Variants in CSMD1 observed in about 807,000 individuals in gnomAD.
CSMD1 encodes CUB and Sushi multiple domains 1.
In CSMD1, 213 loss-of-function variants were observed where a neutral mutation model predicts 417.5. The ratio of observed to expected loss-of-function variants is 0.51; its 90% CI spans 0.46 to 0.57. The LOEUF (loss-of-function observed/expected upper bound fraction) is 0.57. CSMD1 is among the 20% of genes least tolerant of loss of function. The pLI is 0.00. For missense variants in CSMD1, 6,923 were observed against 4,529.7 expected, an observed-to-expected ratio of 1.53 and a Z score of -15.17; for synonymous variants, 2,862 against 1,736.8, an observed-to-expected ratio of 1.65 and a Z score of -16.11.
intron 3 of CSMD1, among the ~76,000 whole-genome samples, chr8:4,060,238 C>T (rs540655793): frequency 0.015 from 601 of 40,848 alleles, 3 homozygotes; most frequent in Middle Eastern, 0.036. Context: ...TGACAAAATT[C>T]AACAACCCTT....
At chr8:4,481,775 G>C (rs1192031999) in intron 2 of CSMD1, among the ~76,000 whole-genome samples, 1 of 152,166 alleles carries the variant, frequency 6.6e-6, no homozygotes, top group Non-Finnish European at 1.5e-5. Context: ...GTATATGCCA[G>C]AGACTATTGT....
chr8:4,457,466 T>C (rs978153849), intron 2 of CSMD1, among the ~76,000 whole-genome samples: 1 of 152,076 alleles, frequency 6.6e-6, no homozygotes, highest in Non-Finnish European at 1.5e-5. Context: ...GTCTTGCTTA[T>C]TGGAAAAGAT....
At chr8:3,377,929 A>G (rs1409998723) in intron 18 of CSMD1, among the ~76,000 whole-genome samples, 2 of 152,182 alleles carry the variant, frequency 1.3e-5, no homozygotes, top group Non-Finnish European at 2.9e-5. Flanking sequence ...ATCTAACTTT[A>G]TGGAGCTGAA....
intron 26 of CSMD1, among the ~76,000 whole-genome samples, chr8:3,256,387 G>C (rs886851524): frequency 2.0e-5 from 3 of 151,924 alleles, no homozygotes; most frequent in African/African-American, 7.3e-5. Context: ...AATGGCAGTA[G>C]GCAGACACTG....
At chr8:3,677,467 G>A (rs556098355) in intron 7 of CSMD1, among the ~76,000 whole-genome samples, 5 of 152,316 alleles carry the variant, frequency 3.3e-5, no homozygotes, top group South Asian at 2.1e-4. Context: ...CTGGGTGAAT[G>A]CACAGATCTG....
At chr8:3,297,491 A>C (rs1804053456) in intron 25 of CSMD1, among the ~76,000 whole-genome samples, 1 of 152,180 alleles carries the variant, frequency 6.6e-6, no homozygotes, top group Non-Finnish European at 1.5e-5. Flanking sequence ...GAAATGGAAT[A>C]CAGTTTGGAA....
chr8:3,353,477 A>G (rs545612216), intron 21 of CSMD1, among the ~76,000 whole-genome samples: 2 of 152,302 alleles, frequency 1.3e-5, no homozygotes, highest in East Asian at 3.9e-4. Context: ...CTAGTACACA[A>G]AAACAGATAC....
At chr8:4,195,326 A>G (rs1036604437) in intron 3 of CSMD1, among the ~76,000 whole-genome samples, 7 of 152,200 alleles carry the variant, frequency 4.6e-5, no homozygotes, top group African/African-American at 1.4e-4. Context: ...GGCAAATTCT[A>G]TAGAACAGGA....
chr8:3,828,124 A>G (rs924367637), intron 5 of CSMD1, among the ~76,000 whole-genome samples: 1 of 152,224 alleles, frequency 6.6e-6, no homozygotes, highest in African/African-American at 2.4e-5. Flanking sequence ...CATATGGCAG[A>G]ACCTGGGAAC....
At chr8:4,941,743 C>T (rs1308062374) in intron 1 of CSMD1, among the ~76,000 whole-genome samples, 1 of 152,132 alleles carries the variant, frequency 6.6e-6, no homozygotes, top group African/African-American at 2.4e-5. Flanking sequence ...GGACCACAGG[C>T]ATGTGCCATT....
At position 3,416,873 on chromosome 8, in the gene CSMD1, C is replaced by A. The variant is rs558525539; in HGVS notation, c.1562-7268G>T. Among the ~76,000 whole-genome samples, 3 of 152,312 alleles carry A rather than the reference C, an allele frequency of 2.0e-5. No individual in the cohort carries two copies. The South Asian group carries it at 6.2e-4, about 32-fold the overall frequency. On this transcript the variant is annotated intron_variant, in intron 12 of 69. Coordinates refer to ENST00000635120, the MANE Select transcript of CSMD1 (RefSeq NM_033225.6). ...GGTTCTTTCTCTTCCCTTCCAAAAC[C>A]ACTTATGAAAGTTCTTTGTATAAAA...
intron 1 of CSMD1, among the ~76,000 whole-genome samples, chr8:4,841,880 T>C (rs890878323): frequency 9.4e-5 from 10 of 106,078 alleles, no homozygotes; most frequent in African/African-American, 3.2e-4. Flanking sequence ...CGTTGCACTC[T>C]AGCCGGGGCA....
At chr8:4,421,182 T>C (rs766021105) in intron 2 of CSMD1, among the ~76,000 whole-genome samples, 1 of 152,200 alleles carries the variant, frequency 6.6e-6, no homozygotes, top group Non-Finnish European at 1.5e-5. Context: ...CTTTGTACTT[T>C]ATGTGTTAGC....
At chr8:4,782,627 G>C (rs1797210582) in intron 1 of CSMD1, among the ~76,000 whole-genome samples, 1 of 152,040 alleles carries the variant, frequency 6.6e-6, no homozygotes, top group South Asian at 2.1e-4. Flanking sequence ...TGCATGTACA[G>C]CTATTTTTTA....
At chr8:3,428,341 A>G (rs1039595486) in intron 12 of CSMD1, among the ~76,000 whole-genome samples, 1 of 152,222 alleles carries the variant, frequency 6.6e-6, no homozygotes, top group Non-Finnish European at 1.5e-5. Flanking sequence ...CAAGAGAAGC[A>G]TAACTCTTGC....
intron 2 of CSMD1, among the ~76,000 whole-genome samples, chr8:4,454,895 T>A (rs1452295977): frequency 6.6e-6 from 1 of 152,178 alleles, no homozygotes; most frequent in Non-Finnish European, 1.5e-5. Flanking sequence ...GTGATACACC[T>A]ACAGAAACTG....
At chr8:4,037,671 G>T (rs1281368527) in intron 3 of CSMD1, among the ~76,000 whole-genome samples, 1 of 152,054 alleles carries the variant, frequency 6.6e-6, no homozygotes, top group African/African-American at 2.4e-5. Flanking sequence ...CATCAGTATT[G>T]ATTTTAAAGG....
intron 37 of CSMD1, among the ~76,000 whole-genome samples, chr8:3,173,486 G>A (rs1388205952): frequency 6.6e-6 from 1 of 152,186 alleles, no homozygotes; most frequent in African/African-American, 2.4e-5. Flanking sequence ...GCCAAACTGT[G>A]AAGTTGAAGG....
At position 3,550,635 on chromosome 8, in the gene CSMD1, C is replaced by T. The variant is rs182954012; in HGVS notation, c.1344+24310G>A. Among the ~76,000 whole-genome samples, 4 of 152,302 alleles carry T rather than the reference C, an allele frequency of 2.6e-5. No homozygotes were observed. The East Asian group carries it at 7.7e-4, about 29-fold the overall frequency. The stretch of plus-strand genomic sequence containing the variant: ...TCAGTCTCCACCCCTTTGCCTAGTG[C>T]TGTTTCCTTTCTTACTGGTTTGCTT... On this transcript the variant is annotated intron_variant, in intron 10 of 69. Transcript: ENST00000635120.
Sources: allele counts gnomAD v4.1 joint callset (sites outside exome capture counted in the v4.1 genomes callset), GRCh38; gene constraint gnomAD v4.1.1; transcripts MANE v1.5; gene names NCBI Gene and HGNC (gene_info 2026-07-23, HGNC 2026-07-21).